The following PLD5 variants were observed in gnomAD, a reference collection of about 807,000 sequenced individuals.
PLD5 encodes the protein inactive phospholipase D5.
In PLD5, 36 loss-of-function variants were observed where a neutral mutation model predicts 61.1. The ratio of observed to expected loss-of-function variants is 0.59; its 90% CI spans 0.45 to 0.78. The LOEUF is 0.78. Among genes scored for constraint, PLD5 ranks in the 30% least tolerant of loss-of-function variants. PLD5 has a pLI of 0.00. For missense variants in PLD5, 515 were observed against 644.4 expected, an observed-to-expected ratio of 0.80 and a Z score of 2.17; for synonymous variants, 243 against 242.8, an observed-to-expected ratio of 1.00 and a Z score of -0.01.
At position 242,265,411 on chromosome 1, in the gene PLD5, G is replaced by C. The variant is rs762589861; in HGVS notation, c.533C>G (p.Ser178Trp). 7 of 1,611,684 alleles carry C rather than the reference G, an allele frequency of 4.3e-6. No individual in the cohort carries two copies. Among genetic ancestry groups the C allele is most frequent in the Non-Finnish European group, 5.1e-6 (6 of 1,178,984 alleles). ...CACTAGCTTGATTTCAATATTTTGC[G>C]AAGTCAGCTGGAGCAACTTTTCAAA... The part of the protein sequence containing the change: ...RLFEKLLQLT[S>W]QNIEIKLVSD... Residue 178 changes from serine (S) to tryptophan (W), a missense_variant, in exon 4 of 10, where the codon TCG becomes TGG. Physicochemically the swap from Ser to Trp is radical, Grantham distance 177 (BLOSUM62 -3). Coordinates refer to ENST00000536534, the MANE Select transcript of PLD5 (RefSeq NM_001372062.1).
Position 242,201,282 on chromosome 1 carries a change from G to T in PLD5, c.735+18706C>A, listed in dbSNP as rs567046951. On this transcript the variant is annotated intron_variant, in intron 5 of 9. Transcript: ENST00000536534. The stretch of plus-strand genomic sequence containing the variant: ...GCTAATTACAATAATAGATGCTTGA[G>T]CTGCAACACTTGACATATGCAGAAT... 3.3e-5 allele frequency among the ~76,000 whole-genome samples: 5 copies of T among 152,294 alleles called. No individual in the cohort carries two copies. The South Asian group carries it at 1.0e-3, about 32-fold the overall frequency.
At chr1:242,143,424 A>G (rs1198690113) in intron 5 of PLD5, among the ~76,000 whole-genome samples, 1 of 152,182 alleles carries the variant, frequency 6.6e-6, no homozygotes, top group African/African-American at 2.4e-5. Context: ...AAAATAGCTA[A>G]TAGTTTGATT....
chr1:242,382,826 T>C (rs12088471), intron 1 of PLD5, among the ~76,000 whole-genome samples: 1,654 of 152,318 alleles, frequency 0.011, 33 homozygotes, highest in African/African-American at 0.038. Flanking sequence ...TAATTATATA[T>C]GTTTCATCAA....
intron 1 of PLD5, among the ~76,000 whole-genome samples, chr1:242,369,260 G>A (rs1162439772): frequency 2.0e-5 from 3 of 152,178 alleles, no homozygotes; most frequent in Non-Finnish European, 4.4e-5. Flanking sequence ...AATGGGTGGA[G>A]GTTGGGGAAA....
At chr1:242,511,715 C>T (rs1668915758) in intron 1 of PLD5, among the ~76,000 whole-genome samples, 1 of 151,912 alleles carries the variant, frequency 6.6e-6, no homozygotes, top group African/African-American at 2.4e-5. Context: ...CAAGAGGTGA[C>T]CAGGGACACA....
At chr1:242,096,730 G>C (rs1172986090) in intron 9 of PLD5, among the ~76,000 whole-genome samples, 1 of 149,204 alleles carries the variant, frequency 6.7e-6, no homozygotes, top group East Asian at 2.0e-4. Context: ...TTTACTGTCT[G>C]GACTTTTATT....
intron 1 of PLD5, among the ~76,000 whole-genome samples, chr1:242,384,163 C>A (rs1662463312): frequency 6.6e-6 from 1 of 152,186 alleles, no homozygotes; most frequent in Non-Finnish European, 1.5e-5. Flanking sequence ...CACAATATTC[C>A]AACCAGTTCC....
chr1:242,267,427 TCC>T (rs1673753121), intron 3 of PLD5, among the ~76,000 whole-genome samples: 1 of 152,182 alleles, frequency 6.6e-6, no homozygotes, highest in Admixed American at 6.5e-5. Context: ...CATGGAGGCT[TCC>T]TTTTAGTTTA....
chr1:242,124,723 G>A, intron 5 of PLD5, 58 bp from the exon 6 acceptor site: 1 of 1,419,318 alleles, frequency 7.0e-7, no homozygotes, highest in Admixed American at 2.0e-5. Context: ...GTTATTTTCA[G>A]AGAAAAAAGG....
chr1:242,301,727 T>C (rs974425363), intron 2 of PLD5, among the ~76,000 whole-genome samples: 1 of 151,796 alleles, frequency 6.6e-6, no homozygotes, highest in African/African-American at 2.4e-5. Context: ...ACTGTGTTTT[T>C]ACAGACCCTT....
At chr1:242,452,543 C>T (rs1188572636) in intron 1 of PLD5, among the ~76,000 whole-genome samples, 1 of 152,098 alleles carries the variant, frequency 6.6e-6, no homozygotes, top group African/African-American at 2.4e-5. Flanking sequence ...AGGCTGGGCA[C>T]GATGACTCAC....
intron 6 of PLD5, among the ~76,000 whole-genome samples, chr1:242,116,523 G>C (rs771000403): frequency 1.3e-5 from 2 of 152,172 alleles, no homozygotes; most frequent in Non-Finnish European, 2.9e-5. Context: ...CACCCAGGTA[G>C]TGAGAATAGT....
At chr1:242,283,519 T>C (rs1253176022) in intron 3 of PLD5, among the ~76,000 whole-genome samples, 1 of 152,236 alleles carries the variant, frequency 6.6e-6, no homozygotes, top group Non-Finnish European at 1.5e-5. Flanking sequence ...AAATGTCACA[T>C]TTGACTATTG....
chr1:242,322,215 G>C (rs1433300574), intron 2 of PLD5, among the ~76,000 whole-genome samples: 1 of 152,066 alleles, frequency 6.6e-6, no homozygotes, highest in East Asian at 1.9e-4. Flanking sequence ...ATACATTCTT[G>C]GTATAAATGA....
At chr1:242,131,310 AAAC>A (rs1037178420) in intron 5 of PLD5, among the ~76,000 whole-genome samples, 2 of 152,146 alleles carry the variant, frequency 1.3e-5, no homozygotes, top group African/African-American at 4.8e-5. Flanking sequence ...GTCTCAAAAA[AAAC>A]AACAGCAAAA....
intron 2 of PLD5, among the ~76,000 whole-genome samples, chr1:242,333,140 G>A (rs1295868574): frequency 6.6e-6 from 1 of 152,158 alleles, no homozygotes; most frequent in Non-Finnish European, 1.5e-5. Flanking sequence ...TAAAAGAGGG[G>A]TTGTCAAAAG....
intron 4 of PLD5, among the ~76,000 whole-genome samples, chr1:242,251,380 G>A (rs750015386): frequency 3.9e-5 from 6 of 152,124 alleles, no homozygotes; most frequent in Non-Finnish European, 7.4e-5. Context: ...AGACAGAAGG[G>A]AAATACAGAG....
At chr1:242,298,286 G>A (rs894528623) in intron 2 of PLD5, among the ~76,000 whole-genome samples, 4 of 152,124 alleles carry the variant, frequency 2.6e-5, no homozygotes, top group East Asian at 1.9e-4. Flanking sequence ...GTTTGTTTTC[G>A]GAGCGAGACA....
At chr1:242,310,057 T>G (rs1676610109) in intron 2 of PLD5, among the ~76,000 whole-genome samples, 1 of 80,500 alleles carries the variant, frequency 1.2e-5, no homozygotes, top group Non-Finnish European at 3.7e-5. Context: ...GGACCAATTT[T>G]TCTTTTTTCC....
Sources: gnomAD v4.1 joint callset for allele counts (sites outside exome capture counted in the v4.1 genomes callset) on GRCh38, gnomAD v4.1.1 for gene constraint, MANE v1.5 for transcripts, NCBI Gene and HGNC (gene_info 2026-07-23, HGNC 2026-07-21) for gene names.